The following MAGI2 variants were observed in gnomAD, a reference collection of about 807,000 sequenced individuals.
MAGI2 encodes membrane associated guanylate kinase, WW and PDZ domain containing 2.
In MAGI2, 35 loss-of-function variants were observed where a neutral mutation model predicts 133.3. The ratio of observed to expected loss-of-function variants is 0.26; its 90% CI spans 0.20 to 0.35. The LOEUF (loss-of-function observed/expected upper bound fraction) is 0.35. Ranked by LOEUF, MAGI2 falls within the 10% of genes least tolerant of loss-of-function variation. MAGI2 has a pLI of 1.00. For synonymous variants in MAGI2, 729 were observed against 710.6 expected (o/e 1.03, Z -0.41); for missense variants, 1,636 against 1,863.4 (o/e 0.88, Z 2.25).
At chr7:79,367,819 C>T (rs1302711176) in intron 1 of MAGI2, among the ~76,000 whole-genome samples, 1 of 117,728 alleles carries the variant, frequency 8.5e-6, no homozygotes, top group African/African-American at 3.7e-5. Flanking sequence ...TTGGAATACT[C>T]TTCCCCATTA....
At chr7:79,354,819 T>C (rs1025868778) in intron 1 of MAGI2, among the ~76,000 whole-genome samples, 2 of 152,162 alleles carry the variant, frequency 1.3e-5, no homozygotes, top group East Asian at 1.9e-4. Flanking sequence ...ATTTGATAGC[T>C]TACTCATGGG....
chr7:78,700,203 T>TACA (rs2151146433), intron 2 of MAGI2, among the ~76,000 whole-genome samples: 1 of 152,268 alleles, frequency 6.6e-6, no homozygotes, highest in South Asian at 2.1e-4. Flanking sequence ...TATGCTCTGT[T>TACA]TCTATTACAT....
intron 2 of MAGI2, among the ~76,000 whole-genome samples, chr7:78,938,716 G>C (rs1401771528): frequency 6.6e-6 from 1 of 152,078 alleles, no homozygotes; most frequent in East Asian, 1.9e-4. Flanking sequence ...CCATGTACAA[G>C]CTTTATTAGC....
intron 2 of MAGI2, among the ~76,000 whole-genome samples, chr7:78,680,380 G>A (rs1417183134): frequency 3.9e-5 from 6 of 152,120 alleles, no homozygotes; most frequent in African/African-American, 1.4e-4. Flanking sequence ...CTTAGGGGAA[G>A]TACCTAATAA....
At chr7:79,190,628 A>G (rs946732726) in intron 1 of MAGI2, among the ~76,000 whole-genome samples, 5 of 151,942 alleles carry the variant, frequency 3.3e-5, no homozygotes, top group African/African-American at 9.7e-5. Flanking sequence ...TCTCATACAT[A>G]TTGCAAACAC....
chr7:78,209,630 G>A (rs1401957408), intron 10 of MAGI2, among the ~76,000 whole-genome samples: 5 of 151,818 alleles, frequency 3.3e-5, no homozygotes, highest in Admixed American at 6.6e-5. Context: ...TTCTGTCTCC[G>A]AAATCTATTT....
chr7:78,917,555 A>G (rs1171372567), intron 2 of MAGI2, among the ~76,000 whole-genome samples: 1 of 152,094 alleles, frequency 6.6e-6, no homozygotes, highest in African/African-American at 2.4e-5. Context: ...GTTTTCTAAC[A>G]CCAACAACTA....
chr7:79,018,569 G>A (rs1280888971), intron 1 of MAGI2, among the ~76,000 whole-genome samples: 3 of 152,250 alleles, frequency 2.0e-5, no homozygotes, highest in Admixed American at 6.5e-5. Flanking sequence ...AATGTGAATA[G>A]AGTAAATGCC....
At chr7:79,360,875 A>G (rs7802859) in intron 1 of MAGI2, among the ~76,000 whole-genome samples, 192 of 152,306 alleles carry the variant, frequency 1.3e-3, no homozygotes, top group Non-Finnish European at 2.1e-3. Context: ...AAATGCTAAC[A>G]TATTATTAGT....
chr7:78,437,784 G>C (rs1453058375), intron 6 of MAGI2, among the ~76,000 whole-genome samples: 1 of 151,810 alleles, frequency 6.6e-6, no homozygotes, highest in Non-Finnish European at 1.5e-5. Context: ...GCAGTTAACT[G>C]TGAAGTTAAG....
At chr7:78,933,078 A>G (rs1800257329) in intron 2 of MAGI2, among the ~76,000 whole-genome samples, 1 of 152,114 alleles carries the variant, frequency 6.6e-6, no homozygotes, top group Admixed American at 6.6e-5. Flanking sequence ...ATGGATCAAA[A>G]AGGGATATGT....
chr7:78,314,989 A>G (rs571426145), intron 9 of MAGI2, among the ~76,000 whole-genome samples: 2 of 152,280 alleles, frequency 1.3e-5, no homozygotes, highest in Admixed American at 6.5e-5. Flanking sequence ...TGCTATAGAA[A>G]GGTCACAGTT....
At chr7:78,692,941 C>A (rs555441541) in intron 2 of MAGI2, among the ~76,000 whole-genome samples, 11 of 152,266 alleles carry the variant, frequency 7.2e-5, no homozygotes, top group African/African-American at 2.6e-4. Context: ...CTTTTACTTA[C>A]TAGTCTTATA....
At chr7:78,809,212 A>G (rs1164189765) in intron 2 of MAGI2, among the ~76,000 whole-genome samples, 1 of 152,190 alleles carries the variant, frequency 6.6e-6, no homozygotes, top group Non-Finnish European at 1.5e-5. Flanking sequence ...GATACAGTTC[A>G]TACAAACTAT....
intron 3 of MAGI2, among the ~76,000 whole-genome samples, chr7:78,526,490 G>A (rs1796963499): frequency 6.6e-6 from 1 of 152,122 alleles, no homozygotes; most frequent in Admixed American, 6.5e-5. Context: ...AACTTATTGA[G>A]TACAACAAAA....
intron 1 of MAGI2, among the ~76,000 whole-genome samples, chr7:79,135,795 G>A (rs967560454): frequency 3.3e-4 from 50 of 151,648 alleles, no homozygotes; most frequent in African/African-American, 1.2e-3. Flanking sequence ...TAAAAAATTA[G>A]CTGGGTGTGG....
intron 1 of MAGI2, among the ~76,000 whole-genome samples, chr7:79,313,937 A>C (rs1251246468): frequency 4.6e-5 from 7 of 150,596 alleles, no homozygotes; most frequent in Admixed American, 4.6e-4. Context: ...TGAGTAGCTG[A>C]GACTACAGGA....
At chr7:78,594,585 G>A (rs558652295) in intron 3 of MAGI2, among the ~76,000 whole-genome samples, 7 of 152,278 alleles carry the variant, frequency 4.6e-5, no homozygotes, top group Non-Finnish European at 1.0e-4. Flanking sequence ...AGCCTCCTGA[G>A]TAGCTGGGAT....
chr7:78,587,549 A>G (rs1440032843), intron 3 of MAGI2, among the ~76,000 whole-genome samples: 1 of 152,238 alleles, frequency 6.6e-6, no homozygotes, highest in East Asian at 1.9e-4. Context: ...TGAAGTGGAT[A>G]TATTTTTCTG....
Sources: allele counts gnomAD v4.1 joint callset (sites outside exome capture counted in the v4.1 genomes callset), GRCh38; gene constraint gnomAD v4.1.1; transcripts MANE v1.5; gene names NCBI Gene and HGNC (gene_info 2026-07-23, HGNC 2026-07-21).